The following KCND2 variants were observed in gnomAD, a reference collection of about 807,000 sequenced individuals.
KCND2 encodes potassium voltage-gated channel subfamily D member 2, also known as A-type voltage-gated potassium channel KCND2.
KCND2 carries 16 observed loss-of-function variants against 54.4 expected under a neutral mutation model. The observed-to-expected ratio is 0.29, with a 90% confidence interval of 0.20 to 0.45. KCND2 has a LOEUF of 0.45. KCND2 is among the 20% of genes least tolerant of loss of function. KCND2 has a pLI of 1.00. For missense variants in KCND2, 486 were observed against 824.2 expected (o/e 0.59, Z 5.02); for synonymous variants, 317 against 310.7 (o/e 1.02, Z -0.21).
chr7:120,551,321 C>T (rs1031141898), intron 1 of KCND2, among the ~76,000 whole-genome samples: 1 of 152,168 alleles, frequency 6.6e-6, no homozygotes, highest in Non-Finnish European at 1.5e-5. Context: ...GTGAGCAGCT[C>T]AACATATGGA....
At chr7:120,332,591 A>G (rs946140827) in intron 1 of KCND2, among the ~76,000 whole-genome samples, 3 of 152,108 alleles carry the variant, frequency 2.0e-5, no homozygotes, top group Non-Finnish European at 2.9e-5. Flanking sequence ...GCTTTCTTAA[A>G]TGCTTCGCTG....
At chr7:120,654,398 A>G (rs1396204808) in intron 1 of KCND2, among the ~76,000 whole-genome samples, 1 of 152,246 alleles carries the variant, frequency 6.6e-6, no homozygotes, top group Non-Finnish European at 1.5e-5. Flanking sequence ...GTTGCAATTT[A>G]TATGGAAAGT....
chr7:120,388,028 C>A (rs1172088197), intron 1 of KCND2, among the ~76,000 whole-genome samples: 2 of 151,908 alleles, frequency 1.3e-5, no homozygotes, highest in African/African-American at 4.8e-5. Flanking sequence ...TGTGTTTATA[C>A]TTTTAAAGTT....
At chr7:120,652,045 A>G (rs866941068) in intron 1 of KCND2, among the ~76,000 whole-genome samples, 1 of 151,542 alleles carries the variant, frequency 6.6e-6, no homozygotes, top group Non-Finnish European at 1.5e-5. Context: ...AAATTCTCCT[A>G]TCCCAGATAG....
chr7:120,595,199 C>A (rs1227467413), intron 1 of KCND2, among the ~76,000 whole-genome samples: 1 of 151,588 alleles, frequency 6.6e-6, no homozygotes, highest in Non-Finnish European at 1.5e-5. Flanking sequence ...GCTTGTAATA[C>A]CAGCATTTTT....
intron 1 of KCND2, among the ~76,000 whole-genome samples, chr7:120,460,454 C>A (rs979759670): frequency 6.6e-6 from 1 of 151,912 alleles, no homozygotes; most frequent in Admixed American, 6.6e-5. Context: ...AGTATCTCTT[C>A]AAGCATCAGG....
intron 1 of KCND2, among the ~76,000 whole-genome samples, chr7:120,278,297 T>C (rs532606073): frequency 3.7e-4 from 57 of 152,058 alleles, no homozygotes; most frequent in African/African-American, 1.2e-3. Context: ...ACTTTATTGT[T>C]TAGGCTGTAG....
At chr7:120,606,021 G>A (rs1239200914) in intron 1 of KCND2, among the ~76,000 whole-genome samples, 2 of 152,052 alleles carry the variant, frequency 1.3e-5, no homozygotes, top group Non-Finnish European at 2.9e-5. Flanking sequence ...GAAATCTGAT[G>A]GTTTTATAAA....
chr7:120,616,796 A>T (rs937831814), intron 1 of KCND2, among the ~76,000 whole-genome samples: 2 of 152,076 alleles, frequency 1.3e-5, no homozygotes, highest in Non-Finnish European at 2.9e-5. Flanking sequence ...ATTTATCAGG[A>T]TGGGTGACAA....
intron 1 of KCND2, among the ~76,000 whole-genome samples, chr7:120,455,273 G>A (rs62472317): frequency 4.6e-5 from 7 of 151,920 alleles, no homozygotes; most frequent in East Asian, 1.9e-4. Context: ...ATCAAGTTAC[G>A]TGACTTCAAA....
chr7:120,461,546 T>G (rs1802283872), intron 1 of KCND2, among the ~76,000 whole-genome samples: 1 of 152,118 alleles, frequency 6.6e-6, no homozygotes, highest in Admixed American at 6.6e-5. Flanking sequence ...TTCATGTTAT[T>G]TTTTTCACCA....
chr7:120,385,406 G>A (rs968087231), intron 1 of KCND2, among the ~76,000 whole-genome samples: 2 of 151,992 alleles, frequency 1.3e-5, no homozygotes, highest in African/African-American at 4.8e-5. Context: ...TTAAAAACTA[G>A]GGACTTAGTA....
At chr7:120,532,226 TTAAA>T (rs1309267860) in intron 1 of KCND2, among the ~76,000 whole-genome samples, 1 of 152,048 alleles carries the variant, frequency 6.6e-6, no homozygotes, top group Non-Finnish European at 1.5e-5. Flanking sequence ...TTTTCATTCT[TTAAA>T]TATAGTGAAT....
At chr7:120,405,638 G>A (rs1207647215) in intron 1 of KCND2, among the ~76,000 whole-genome samples, 1 of 151,988 alleles carries the variant, frequency 6.6e-6, no homozygotes, top group African/African-American at 2.4e-5. Context: ...CAGTTATAAG[G>A]TTATATCTGC....
intron 1 of KCND2, among the ~76,000 whole-genome samples, chr7:120,423,318 A>G (rs369363642): frequency 1.3e-5 from 2 of 152,326 alleles, no homozygotes; most frequent in African/African-American, 4.8e-5. Flanking sequence ...ACTTGGGACC[A>G]GAACACTGGG....
chr7:120,562,478 G>A (rs1319431370), intron 1 of KCND2, among the ~76,000 whole-genome samples: 3 of 152,056 alleles, frequency 2.0e-5, no homozygotes, highest in Admixed American at 1.3e-4. Context: ...ATTTTGAGGT[G>A]GTCAGGAGTT....
chr7:120,284,749 T>C (rs1799315224), intron 1 of KCND2, among the ~76,000 whole-genome samples: 1 of 152,182 alleles, frequency 6.6e-6, no homozygotes, highest in Non-Finnish European at 1.5e-5. Context: ...GAATCTAAGC[T>C]AGATTTCTGG....
chr7:120,633,397 G>A (rs1232834404), intron 1 of KCND2, among the ~76,000 whole-genome samples: 1 of 152,128 alleles, frequency 6.6e-6, no homozygotes, highest in Non-Finnish European at 1.5e-5. Context: ...TGAATCCAAT[G>A]TATTTGTAAA....
intron 1 of KCND2, among the ~76,000 whole-genome samples, chr7:120,707,206 A>G (rs548279560): frequency 1.1e-4 from 17 of 152,166 alleles, no homozygotes; most frequent in South Asian, 2.1e-4. Context: ...AATTTTCCAC[A>G]AACCAGCTGT....
Sources: gnomAD v4.1 joint callset for allele counts (sites outside exome capture counted in the v4.1 genomes callset) on GRCh38, gnomAD v4.1.1 for gene constraint, MANE v1.5 for transcripts, NCBI Gene and HGNC (gene_info 2026-07-23, HGNC 2026-07-21) for gene names.